The following UIMC1 variants were observed in gnomAD, a reference collection of about 807,000 sequenced individuals.
UIMC1 encodes the protein ubiquitin interaction motif containing 1, also known as BRCA1-A complex subunit RAP80.
Under a neutral mutation model 84.9 loss-of-function variants are expected in UIMC1, and 42 were observed. The ratio of observed to expected loss-of-function variants is 0.49; its 90% CI spans 0.39 to 0.64. The LOEUF (loss-of-function observed/expected upper bound fraction) is 0.64, where lower values mean the gene tolerates loss of function less well. Ranked by LOEUF, UIMC1 falls within the 30% of genes least tolerant of loss-of-function variation. The probability of loss-of-function intolerance (pLI) is 0.00; values close to 1 mark genes in which losing one functional copy is unlikely to be tolerated. For synonymous variants in UIMC1, 281 were observed against 293.0 expected (o/e 0.96, Z 0.42); for missense variants, 825 against 847.6 (o/e 0.97, Z 0.33).
intron 9 of UIMC1, among the ~76,000 whole-genome samples, chr5:176,947,653 C>T (rs1765304175): frequency 6.6e-6 from 1 of 151,788 alleles, no homozygotes; most frequent in South Asian, 2.1e-4. Context: ...CCCATCTCTA[C>T]TAAAAACACA....
At chr5:176,966,515 G>A (rs1768330362) in intron 6 of UIMC1, among the ~76,000 whole-genome samples, 2 of 152,110 alleles carry the variant, frequency 1.3e-5, no homozygotes, top group South Asian at 4.2e-4. Flanking sequence ...AAAAGTCAAA[G>A]TCTGGTAACA....
At chr5:176,925,729 A>G (rs1201737538) in intron 10 of UIMC1, among the ~76,000 whole-genome samples, 1 of 152,226 alleles carries the variant, frequency 6.6e-6, no homozygotes, top group Non-Finnish European at 1.5e-5. Context: ...TATAAGCAGA[A>G]TTTTACAGAA....
intron 10 of UIMC1, among the ~76,000 whole-genome samples, chr5:176,913,747 C>T (rs975244247): frequency 5.2e-4 from 79 of 152,322 alleles, no homozygotes; most frequent in African/African-American, 9.4e-4. Flanking sequence ...GAGGCTGAGG[C>T]GGGCAGATCA....
At chr5:176,933,165 C>T (rs1432678924) in intron 10 of UIMC1, among the ~76,000 whole-genome samples, 3 of 151,976 alleles carry the variant, frequency 2.0e-5, no homozygotes, top group Non-Finnish European at 2.9e-5. Context: ...AAAGCACCTT[C>T]GAGGCAAAAA....
chr5:176,977,220 T>A (rs1770237764), intron 2 of UIMC1, among the ~76,000 whole-genome samples: 1 of 125,474 alleles, frequency 8.0e-6, no homozygotes, highest in Non-Finnish European at 1.6e-5. Flanking sequence ...TAAGATTCTG[T>A]CTCAAAAAAA....
chr5:176,915,005 A>G (rs1208371021), intron 10 of UIMC1, among the ~76,000 whole-genome samples: 3 of 152,138 alleles, frequency 2.0e-5, no homozygotes, highest in African/African-American at 7.2e-5. Flanking sequence ...TAGGAGTTCT[A>G]TTTTTTATTT....
rs61615337 is a variant in UIMC1 at position 176,939,256 on chromosome 5, C to CAA, written c.1597+4077_1597+4078dup. Among the ~76,000 whole-genome samples the CAA allele has an allele frequency of 1.3e-3, 90 of 71,804 alleles. 1 individual carries two copies. The highest frequency in any genetic ancestry group is 4.7e-3 in the East Asian group (11 of 2,350). 47.1% of individuals were successfully genotyped at this position (71,804 alleles called of 152,430 possible). A position where few individuals can be genotyped will look rare whatever the true frequency, so the allele number is the denominator to read the frequency against. On this transcript the variant is annotated intron_variant, in intron 10 of 14. Transcript: ENST00000511320. ...TGGGTGACAGAGTGAGATCCTGTCT[C>CAA]AAAAAAAAAAAAAAAAGAAAAAAAA...
At chr5:176,942,285 G>GA (rs1764532037) in intron 10 of UIMC1, among the ~76,000 whole-genome samples, 1 of 152,024 alleles carries the variant, frequency 6.6e-6, no homozygotes, top group Non-Finnish European at 1.5e-5. Flanking sequence ...CAAAAAGAGG[G>GA]AAAAAACCTA....
Position 176,911,175 on chromosome 5 carries a change from G to GAAAAGAA in UIMC1, c.1676+135_1676+136insTTCTTTT, listed in dbSNP as rs1421948633. 4.2e-4 allele frequency: 71 copies of GAAAAGAA among 167,562 alleles called. 5 individuals are homozygous for GAAAAGAA. Among genetic ancestry groups the GAAAAGAA allele is most frequent in the African/African-American group, 3.2e-3 (60 of 18,554 alleles). 10.4% of individuals were successfully genotyped at this position (167,562 alleles called of 1,614,324 possible). A position where few individuals can be genotyped will look rare whatever the true frequency, so the allele number is the denominator to read the frequency against. The stretch of plus-strand genomic sequence containing the variant: ...GAAAAGAAAAGAAAAGAAAAGAAAA[G>GAAAAGAA]AAAATTCAGGCATCCAAGCAATGAA... On this transcript the variant is annotated intron_variant, in intron 11 of 14. Coordinates refer to ENST00000511320, the MANE Select transcript of UIMC1 (RefSeq NM_001199298.2).
intron 7 of UIMC1, 26 bp downstream of exon 7, chr5:176,958,067 A>G: frequency 6.2e-7 from 1 of 1,611,692 alleles, no homozygotes; most frequent in Non-Finnish European, 8.5e-7. Context: ...TCAGAGGAGA[A>G]TGCATAGCAA....
chr5:176,995,780 T>C (rs902664181), intron 1 of UIMC1, among the ~76,000 whole-genome samples: 4 of 145,002 alleles, frequency 2.8e-5, no homozygotes, highest in African/African-American at 1.0e-4. Context: ...GAGGCAGAGG[T>C]TGCGGTGAGC....
intron 10 of UIMC1, among the ~76,000 whole-genome samples, chr5:176,918,715 A>G (rs988311509): frequency 6.6e-6 from 1 of 152,146 alleles, no homozygotes; most frequent in Non-Finnish European, 1.5e-5. Context: ...TTTCACGATT[A>G]CCCTGTCATA....
chr5:176,922,899 T>C (rs2149408257), intron 10 of UIMC1, among the ~76,000 whole-genome samples: 1 of 152,350 alleles, frequency 6.6e-6, no homozygotes, highest in Non-Finnish European at 1.5e-5. Context: ...ATCTCTAAGC[T>C]TGAAAGAAAA....
Position 176,969,719 on chromosome 5 carries a change from A to T in UIMC1, c.358-13T>A. On this transcript the variant is annotated splice_polypyrimidine_tract_variant and intron_variant, in intron 4 of 14. Transcript: ENST00000511320. ...AAGGCCGGCAACTCTGAAACAAGTGATCCCATACCAGACCAGGTTTATTAT... is the reference window on the plus strand; with the variant it reads ...AAGGCCGGCAACTCTGAAACAAGTGTTCCCATACCAGACCAGGTTTATTAT... 6.2e-7 allele frequency: 1 copy of T among 1,611,812 alleles called. No homozygotes were observed. The highest frequency in any genetic ancestry group is 8.5e-7 in the Non-Finnish European group (1 of 1,178,122).
chr5:176,963,613 G>T (rs75763260), intron 6 of UIMC1, among the ~76,000 whole-genome samples: 1 of 151,492 alleles, frequency 6.6e-6, no homozygotes, highest in Non-Finnish European at 1.5e-5. Flanking sequence ...AGTTTATTAG[G>T]TTTTTCCACA....
chr5:176,910,346 G>A (rs1759956493), intron 11 of UIMC1, among the ~76,000 whole-genome samples: 1 of 152,226 alleles, frequency 6.6e-6, no homozygotes, highest in African/African-American at 2.4e-5. Flanking sequence ...TCAGGAGGAA[G>A]CACCTTTGTG....
rs1244478866 is a variant in UIMC1, at chr5:176,996,146, A to T, written c.-9+10504T>A. Among the ~76,000 whole-genome samples, 3 of 152,204 alleles carry T rather than the reference A, an allele frequency of 2.0e-5. No individual in the cohort carries two copies. In the East Asian group the frequency reaches 5.8e-4, roughly 29 times the overall value. On this transcript the variant is annotated intron_variant, in intron 1 of 14. Coordinates refer to ENST00000511320, the MANE Select transcript of UIMC1 (RefSeq NM_001199298.2). ...ACTACTGATGCATCCAACGACACAGATGAATCTCAAAGACATTATGGTGAG... is the reference window on the plus strand; with the variant it reads ...ACTACTGATGCATCCAACGACACAGTTGAATCTCAAAGACATTATGGTGAG...
intron 1 of UIMC1, among the ~76,000 whole-genome samples, chr5:176,991,584 G>A (rs1394382914): frequency 2.7e-5 from 4 of 148,688 alleles, no homozygotes; most frequent in African/African-American, 1.0e-4. Context: ...CAGGCATGGT[G>A]GCACTATTGC....
At chr5:176,923,546 T>A (rs1307980888) in intron 10 of UIMC1, among the ~76,000 whole-genome samples, 5 of 141,254 alleles carry the variant, frequency 3.5e-5, no homozygotes, top group Non-Finnish European at 7.7e-5. Context: ...TGAGACTGTA[T>A]CAAAAGCAAA....
Sources: gnomAD v4.1 joint callset for allele counts (sites outside exome capture counted in the v4.1 genomes callset) on GRCh38, gnomAD v4.1.1 for gene constraint, MANE v1.5 for transcripts, NCBI Gene and HGNC (gene_info 2026-07-23, HGNC 2026-07-21) for gene names.